Variants in GPHN observed in about 807,000 individuals in gnomAD.
GPHN encodes the protein gephyrin.
In GPHN, 17 loss-of-function variants were observed where a neutral mutation model predicts 95.5. The observed-to-expected ratio is 0.18, with a 90% CI of 0.12 to 0.27. The LOEUF is 0.27. Among genes scored for constraint, GPHN ranks in the 10% least tolerant of loss-of-function variants. The pLI is 1.00. For synonymous variants in GPHN, 320 were observed against 322.5 expected (o/e 0.99, Z 0.08); for missense variants, 660 against 978.1 (o/e 0.67, Z 4.34).
At chr14:67,206,265 G>A in the GPHN span, among the ~76,000 whole-genome samples, 2 of 152,140 alleles carry the variant, frequency 1.3e-5, no homozygotes, top group Admixed American at 6.6e-5. Flanking sequence ...TTGGGAGACC[G>A]AGGCGGGCAG....
At chr14:66,992,414 CT>C (rs1318849334) in intron 9 of GPHN, among the ~76,000 whole-genome samples, 1 of 151,948 alleles carries the variant, frequency 6.6e-6, no homozygotes. Context: ...ATAAGACTAC[CT>C]TTTTAATAAG....
the GPHN span, among the ~76,000 whole-genome samples, chr14:67,330,169 T>G: frequency 1.4e-3 from 209 of 149,502 alleles, 1 homozygote; most frequent in Non-Finnish European, 1.2e-3. Context: ...TTATTATTAT[T>G]ATCAAAAGGA....
At chr14:67,590,249 ATTTTTTTTTTTTT>A in the GPHN span, 5 of 733,424 alleles carry the variant, frequency 6.8e-6, no homozygotes, top group East Asian at 1.5e-4. Flanking sequence ...CCACTTGCAA[ATTTTTTTTTTTTT>A]TTTTTTTTGA....
intron 1 of GPHN, among the ~76,000 whole-genome samples, chr14:66,625,226 G>A (rs757488938): frequency 5.3e-5 from 8 of 151,832 alleles, no homozygotes; most frequent in African/African-American, 1.5e-4. Flanking sequence ...CTACAAACAC[G>A]CACCACCACA....
the GPHN span, among the ~76,000 whole-genome samples, chr14:67,306,166 C>T: frequency 6.6e-6 from 1 of 152,150 alleles, no homozygotes; most frequent in Non-Finnish European, 1.5e-5. Flanking sequence ...GATGGGGTTT[C>T]ACTATGTTGG....
the GPHN span, among the ~76,000 whole-genome samples, chr14:67,293,945 A>G: frequency 6.6e-6 from 1 of 152,208 alleles, no homozygotes; most frequent in East Asian, 1.9e-4. Context: ...AAGCTGACAC[A>G]CACAATAGAA....
chr14:67,683,483 T>C, the GPHN span, among the ~76,000 whole-genome samples: 16 of 152,230 alleles, frequency 1.1e-4, no homozygotes, highest in Admixed American at 2.6e-4. Flanking sequence ...TGGACAACTG[T>C]TACTCTTTGG....
chr14:66,965,093 G>T, intron 8 of GPHN, 98 bp from the exon 9 acceptor site: 1 of 964,952 alleles, frequency 1.0e-6, no homozygotes, highest in Non-Finnish European at 1.7e-6. Flanking sequence ...AAATATGTCA[G>T]AGCTGAGCAG....
chr14:67,659,563 A>G, the GPHN span, among the ~76,000 whole-genome samples: 1 of 152,198 alleles, frequency 6.6e-6, no homozygotes, highest in Non-Finnish European at 1.5e-5. Flanking sequence ...AATAGAGCAG[A>G]TACCAAGGGG....
At chr14:66,824,791 T>C (rs1027000898) in intron 4 of GPHN, among the ~76,000 whole-genome samples, 1 of 152,182 alleles carries the variant, frequency 6.6e-6, no homozygotes, top group African/African-American at 2.4e-5. Context: ...AAGATTAAAC[T>C]GGTCCAGAGG....
chr14:67,128,845 G>A (rs1406849523), intron 17 of GPHN, among the ~76,000 whole-genome samples: 4 of 148,950 alleles, frequency 2.7e-5, no homozygotes, highest in Admixed American at 6.7e-5. Flanking sequence ...ACGGAGTTTC[G>A]CTGTTGTTGC....
chr14:67,211,821 G>T, the GPHN span, among the ~76,000 whole-genome samples: 1 of 152,082 alleles, frequency 6.6e-6, no homozygotes, highest in African/African-American at 2.4e-5. Flanking sequence ...TCCAGCCCGG[G>T]TGATGGAGCA....
chr14:66,767,603 G>C (rs927456644), intron 2 of GPHN, among the ~76,000 whole-genome samples: 5 of 151,892 alleles, frequency 3.3e-5, no homozygotes, highest in African/African-American at 1.2e-4. Flanking sequence ...TATAAGCTTA[G>C]GGGGAAAATG....
At chr14:67,205,121 T>C in the GPHN span, 3 of 1,527,970 alleles carry the variant, frequency 2.0e-6, no homozygotes, top group Middle Eastern at 3.4e-4. Context: ...CATGCTTTAA[T>C]AATCGAGAAC....
intron 9 of GPHN, 76 bp from the exon 10 acceptor site, chr14:67,023,557 G>A (rs1312063985): frequency 7.4e-6 from 8 of 1,083,384 alleles, no homozygotes; most frequent in Non-Finnish European, 1.1e-5. Context: ...GACCTCAGGA[G>A]CTTGCCCATT....
chr14:66,991,870 TAAAAA>T (rs1555458890), intron 9 of GPHN, among the ~76,000 whole-genome samples: 1 of 111,150 alleles, frequency 9.0e-6, no homozygotes. Context: ...AGACCCTGTC[TAAAAA>T]AAAAAAAAAA....
chr14:67,262,129 T>G, the GPHN span, among the ~76,000 whole-genome samples: 1 of 152,160 alleles, frequency 6.6e-6, no homozygotes, highest in Non-Finnish European at 1.5e-5. Context: ...ATCTGACCTG[T>G]CTACCTTTCA....
the GPHN span, chr14:67,585,706 C>A: frequency 3.0e-6 from 4 of 1,315,590 alleles, no homozygotes; most frequent in Non-Finnish European, 3.2e-6. Flanking sequence ...TCAACATGGT[C>A]TTTTCTTCTC....
At chr14:67,678,352 C>T in the GPHN span, 1 of 1,614,074 alleles carries the variant, frequency 6.2e-7, no homozygotes. Flanking sequence ...CAGGTCACAA[C>T]TGACGTCCCA....
Sources: allele counts gnomAD v4.1 joint callset (sites outside exome capture counted in the v4.1 genomes callset), GRCh38; gene constraint gnomAD v4.1.1; transcripts MANE v1.5; gene names NCBI Gene and HGNC (gene_info 2026-07-23, HGNC 2026-07-21).